Variants in AGPAT5 observed in about 807,000 individuals in gnomAD.
The protein encoded by AGPAT5 is 1-acyl-sn-glycerol-3-phosphate acyltransferase epsilon.
In AGPAT5, 46 loss-of-function variants were observed where a neutral mutation model predicts 45.6. The observed-to-expected ratio is 1.01, with a 90% CI of 0.80 to 1.29. The LOEUF is 1.29. Ranked by LOEUF, AGPAT5 falls within the 50% of genes most tolerant of loss-of-function variation. AGPAT5 has a pLI of 0.00. For synonymous variants in AGPAT5, 272 were observed against 167.0 expected, an observed-to-expected ratio of 1.63 and a Z score of -4.85; for missense variants, 673 against 450.7, an observed-to-expected ratio of 1.49 and a Z score of -4.47.
rs199787515 is a variant in AGPAT5, at chr8:6,741,689, C to G, written c.524C>G (p.Thr175Arg). ...PMYLVIFPEG[T>R]RYNPEQTKVL... ...TATCTTGTGATTTTTCCAGAAGGTA[C>G]AAGGTATAATCCAGAGCAAACAAAA... The change falls in exon 5 of 8, where the codon ACA becomes AGA. Residue 175 changes from threonine to arginine, a missense_variant. Coordinates refer to ENST00000285518, the MANE Select transcript of AGPAT5 (RefSeq NM_018361.5). 6.2e-7 allele frequency: 1 copy of G among 1,610,080 alleles called. No homozygotes were observed. The highest frequency in any genetic ancestry group is 2.2e-5 in the East Asian group (1 of 44,620).
intron 1 of AGPAT5, among the ~76,000 whole-genome samples, chr8:6,724,297 A>G (rs1021419183): frequency 6.6e-5 from 10 of 152,188 alleles, no homozygotes; most frequent in Non-Finnish European, 1.5e-4. Flanking sequence ...ACAGGCCTCC[A>G]GGGTTACTGC....
In AGPAT5 at chr8:6,757,367, G is replaced by A. The variant is rs961175689; in HGVS notation, c.1074G>A (p.Leu358=). 3 of 1,614,166 alleles carry A rather than the reference G, an allele frequency of 1.9e-6. No individual in the cohort carries two copies. Among genetic ancestry groups the A allele is most frequent in the South Asian group, 2.2e-5 (2 of 91,084 alleles). The change falls in exon 8 of 8, where the codon CTG becomes CTA. Residue 358 remains leucine, a synonymous_variant. Transcript: ENST00000285518. ...TWIYGTLLGC[L]WVTIKA The stretch of plus-strand genomic sequence containing the variant: ...TATATGGAACCCTACTTGGCTGCCT[G>A]TGGGTTACTATTAAAGCATAGACAA...
intron 6 of AGPAT5, among the ~76,000 whole-genome samples, chr8:6,748,762 C>T (rs1012462194): frequency 2.0e-5 from 3 of 152,174 alleles, no homozygotes; most frequent in Non-Finnish European, 4.4e-5. Context: ...ACCTCGGCCT[C>T]CCAAATGAGC....
At chr8:6,720,034 C>G (rs1800450750) in intron 1 of AGPAT5, among the ~76,000 whole-genome samples, 1 of 152,090 alleles carries the variant, frequency 6.6e-6, no homozygotes, top group African/African-American at 2.4e-5. Flanking sequence ...TTTTTAAAGC[C>G]AACTGTGAGA....
rs1800024058 is a variant in AGPAT5 at position 6,708,749 on chromosome 8, C to G, written c.81C>G (p.Thr27=). The G allele has an allele frequency of 6.2e-7, 1 of 1,608,484 alleles. No individual in the cohort carries two copies. The highest frequency in any genetic ancestry group is 8.5e-7 in the Non-Finnish European group (1 of 1,179,676). Residue 27 remains threonine (T), a synonymous_variant, in exon 1 of 8, where the codon ACC becomes ACG. Coordinates refer to ENST00000285518, the MANE Select transcript of AGPAT5 (RefSeq NM_018361.5). ...TCGTGCTCCTGGGCACGGCGCCCACCTACGTGTTGGCCTGGGGGGTCTGGC... is the reference window on the plus strand; with the variant it reads ...TCGTGCTCCTGGGCACGGCGCCCACGTACGTGTTGGCCTGGGGGGTCTGGC... ...PSVVLLGTAP[T]YVLAWGVWRL...
At chr8:6,755,925 C>T (rs1801818216) in intron 7 of AGPAT5, among the ~76,000 whole-genome samples, 2 of 151,510 alleles carry the variant, frequency 1.3e-5, no homozygotes, top group South Asian at 4.2e-4. Context: ...CCACTTTGGC[C>T]CATGGAAGAA....
At chr8:6,724,511 A>C (rs1800616904) in intron 1 of AGPAT5, among the ~76,000 whole-genome samples, 1 of 152,254 alleles carries the variant, frequency 6.6e-6, no homozygotes, top group Non-Finnish European at 1.5e-5. Context: ...GTCTCATTAC[A>C]GTTCCTGTGG....
At chr8:6,752,380 CTG>C (rs974012803) in intron 6 of AGPAT5, among the ~76,000 whole-genome samples, 1 of 152,040 alleles carries the variant, frequency 6.6e-6, no homozygotes, top group Non-Finnish European at 1.5e-5. Context: ...GATGAGATTT[CTG>C]TGTGTGTCTA....
intron 5 of AGPAT5, chr8:6,745,670 T>A (rs558209543): frequency 6.6e-6 from 1 of 152,124 alleles, no homozygotes; most frequent in African/African-American, 2.4e-5. Flanking sequence ...GTTTCCCCCC[T>A]TTTTTTATTT....
In AGPAT5 at chr8:6,715,966, C is replaced by T. The variant is rs115548115; in HGVS notation, c.219+7079C>T. 1.7e-3 allele frequency among the ~76,000 whole-genome samples: 262 copies of T among 152,154 alleles called. 1 individual carries two copies. The highest frequency in any genetic ancestry group is 6.1e-3 in the African/African-American group (253 of 41,510). On this transcript the variant is annotated intron_variant, in intron 1 of 7. Coordinates refer to ENST00000285518, the MANE Select transcript of AGPAT5 (RefSeq NM_018361.5). ...ATTCAAGGTTTTCTAAATTCTGCCCCGGTTAACTTTTCCATTCGTTGGTTT... is the reference window on the plus strand; with the variant it reads ...ATTCAAGGTTTTCTAAATTCTGCCCTGGTTAACTTTTCCATTCGTTGGTTT...
intron 6 of AGPAT5, among the ~76,000 whole-genome samples, chr8:6,749,613 C>G (rs944906913): frequency 1.3e-5 from 2 of 152,152 alleles, no homozygotes. Context: ...TCTTATTCTA[C>G]CATCCCTCCC....
intron 5 of AGPAT5, among the ~76,000 whole-genome samples, chr8:6,742,104 A>C (rs185682058): frequency 1.1e-3 from 172 of 152,292 alleles, no homozygotes; most frequent in African/African-American, 4.0e-3. Flanking sequence ...TGACAGACCT[A>C]AGTTGGAGTC....
rs1454599626 is a variant in AGPAT5, at chr8:6,757,538, GAT to G, written c.*153_*154del. On this transcript the variant is annotated 3_prime_UTR_variant, in exon 8 of 8. Transcript: ENST00000285518. ...GATAATAGAATTTGTGACGAAAGCT[GAT>G]ATGCAATGGTCTTGGGCAAACATAC... 3.5e-5 allele frequency: 23 copies of G among 654,236 alleles called. No individual in the cohort carries two copies. The African/African-American group carries it at 3.8e-4, about 11-fold the overall frequency. The allele number at this position is 654,236 out of a possible 1,614,324, so 40.5% of individuals were successfully genotyped here. A position where few individuals can be genotyped will look rare whatever the true frequency, so the allele number is the denominator to read the frequency against.
At position 6,724,894 on chromosome 8, in the gene AGPAT5, A is replaced by G; in HGVS notation, c.244A>G (p.Lys82Glu). ...VQILLYGDLP[K>E]NKENIIYLAN... ...GATATTGCTATATGGAGATTTGCCA[A>G]AAAATAAAGAAAATATAATATATTT... The change falls in exon 2 of 8, where the codon AAA (lysine) becomes GAA (glutamate). Residue 82 changes from lysine (K) to glutamate (E), a missense_variant. Transcript: ENST00000285518. The G allele has an allele frequency of 8.7e-7, 1 of 1,144,802 alleles. No individual in the cohort carries two copies. Among genetic ancestry groups the G allele is most frequent in the Non-Finnish European group, 1.2e-6 (1 of 864,784 alleles). 70.9% of individuals were successfully genotyped at this position (1,144,802 alleles called of 1,614,324 possible). A position where few individuals can be genotyped will look rare whatever the true frequency, so the allele number is the denominator to read the frequency against.
intron 1 of AGPAT5, among the ~76,000 whole-genome samples, chr8:6,711,772 G>T (rs372281929): frequency 1.4e-4 from 21 of 152,270 alleles, no homozygotes; most frequent in African/African-American, 4.8e-4. Flanking sequence ...CTGGTGACTG[G>T]TGGCATTCCT....
intron 1 of AGPAT5, among the ~76,000 whole-genome samples, chr8:6,719,928 C>T (rs768011896): frequency 6.6e-6 from 1 of 152,106 alleles, no homozygotes; most frequent in Non-Finnish European, 1.5e-5. Context: ...CCAGGAACAC[C>T]TTTGACCTCA....
At chr8:6,728,973 G>C (rs1035013884) in intron 2 of AGPAT5, among the ~76,000 whole-genome samples, 1 of 152,192 alleles carries the variant, frequency 6.6e-6, no homozygotes, top group African/African-American at 2.4e-5. Flanking sequence ...AACACAGGTT[G>C]TGTCTGTCTC....
chr8:6,711,461 T>A (rs879335104), intron 1 of AGPAT5, among the ~76,000 whole-genome samples: 1 of 152,278 alleles, frequency 6.6e-6, no homozygotes, highest in Non-Finnish European at 1.5e-5. Context: ...ATGGGTACTT[T>A]CTTCACCATT....
chr8:6,754,888 T>A (rs1325598355), intron 6 of AGPAT5, among the ~76,000 whole-genome samples, 163 bp from the exon 7 acceptor site: 1 of 151,902 alleles, frequency 6.6e-6, no homozygotes, highest in Non-Finnish European at 1.5e-5. Flanking sequence ...ACCACCAGTT[T>A]ATAATCCTTT....
Sources: gnomAD v4.1 joint callset for allele counts (sites outside exome capture counted in the v4.1 genomes callset) on GRCh38, gnomAD v4.1.1 for gene constraint, MANE v1.5 for transcripts, NCBI Gene and HGNC (gene_info 2026-07-23, HGNC 2026-07-21) for gene names.